The following FRMD4B variants were observed in gnomAD, a reference collection of about 807,000 sequenced individuals.
The protein encoded by FRMD4B is FERM domain-containing protein 4B.
FRMD4B carries 74 observed loss-of-function variants against 141.5 expected under a neutral mutation model. The observed-to-expected ratio is 0.52, with a 90% CI of 0.43 to 0.63. FRMD4B has a LOEUF of 0.63. Ranked by LOEUF, FRMD4B falls within the 30% of genes least tolerant of loss-of-function variation. The probability of loss-of-function intolerance (pLI) is 0.00; values close to 1 mark genes in which losing one functional copy is unlikely to be tolerated. For missense variants in FRMD4B, 1,366 were observed against 1,253.4 expected (o/e 1.09, Z -1.36); for synonymous variants, 506 against 467.9 (o/e 1.08, Z -1.05).
At chr3:69,251,256 C>G (rs1251394211) in intron 5 of FRMD4B, among the ~76,000 whole-genome samples, 1 of 152,176 alleles carries the variant, frequency 6.6e-6, no homozygotes, top group South Asian at 2.1e-4. Context: ...GCCCTGCATT[C>G]TTTCTTCCTC....
intron 7 of FRMD4B, among the ~76,000 whole-genome samples, chr3:69,232,153 A>G (rs569403832): frequency 6.6e-6 from 1 of 152,324 alleles, no homozygotes; most frequent in South Asian, 2.1e-4. Flanking sequence ...AAATACACTC[A>G]AACTGACTGG....
chr3:69,515,214 C>T (rs1297269905), intron 1 of FRMD4B, among the ~76,000 whole-genome samples: 7 of 152,112 alleles, frequency 4.6e-5, no homozygotes, highest in East Asian at 3.9e-4. Flanking sequence ...CTCACTATCA[C>T]GAGAACAGGA....
intron 1 of FRMD4B, among the ~76,000 whole-genome samples, chr3:69,351,497 C>G (rs1255395803): frequency 6.6e-6 from 1 of 152,174 alleles, no homozygotes; most frequent in Non-Finnish European, 1.5e-5. Flanking sequence ...AGTTCTTTTC[C>G]TGGGGTCTTT....
chr3:69,174,205 C>CA (rs1207023341), intron 22 of FRMD4B, among the ~76,000 whole-genome samples: 5 of 150,848 alleles, frequency 3.3e-5, no homozygotes, highest in African/African-American at 7.3e-5. Context: ...AAAAGCCTCT[C>CA]AAAAAAAACT....
chr3:69,453,916 C>A (rs906748010), intron 1 of FRMD4B, among the ~76,000 whole-genome samples: 3 of 152,090 alleles, frequency 2.0e-5, no homozygotes, highest in African/African-American at 7.2e-5. Flanking sequence ...AAACAAGAGT[C>A]CCCATAAGAA....
intron 1 of FRMD4B, among the ~76,000 whole-genome samples, chr3:69,490,834 A>C (rs577018155): frequency 2.1e-3 from 322 of 152,294 alleles, no homozygotes; most frequent in African/African-American, 6.7e-3. Context: ...GGGTGAATGA[A>C]GCACACGATA....
At chr3:69,298,291 C>A (rs1455316987) in intron 4 of FRMD4B, among the ~76,000 whole-genome samples, 3 of 152,192 alleles carry the variant, frequency 2.0e-5, no homozygotes, top group Non-Finnish European at 1.5e-5. Flanking sequence ...GTATCCCCTG[C>A]TCTCTCCTCA....
intron 1 of FRMD4B, chr3:69,353,476 A>C: frequency 1.6e-6 from 1 of 629,326 alleles, no homozygotes; most frequent in Non-Finnish European, 2.0e-6. Context: ...ATGAAATGCC[A>C]GTCAAAGCTG....
At chr3:69,310,774 G>A (rs1455978525) in intron 3 of FRMD4B, among the ~76,000 whole-genome samples, 1 of 151,160 alleles carries the variant, frequency 6.6e-6, no homozygotes, top group Non-Finnish European at 1.5e-5. Flanking sequence ...AAAAGAAAAA[G>A]ATAGTTGAGA....
At chr3:69,352,385 T>C (rs1172938554) in intron 1 of FRMD4B, among the ~76,000 whole-genome samples, 1 of 152,232 alleles carries the variant, frequency 6.6e-6, no homozygotes, top group Admixed American at 6.5e-5. Context: ...TATTATGTTG[T>C]TACATTATAG....
intron 4 of FRMD4B, among the ~76,000 whole-genome samples, chr3:69,296,758 A>G (rs1218488246): frequency 1.3e-5 from 2 of 152,178 alleles, no homozygotes; most frequent in Non-Finnish European, 2.9e-5. Flanking sequence ...GATGGCTTTA[A>G]ACAAATGCAT....
Position 69,189,914 on chromosome 3 carries a change from T to C in FRMD4B, c.1753A>G (p.Thr585Ala). Residue 585 changes from threonine (T) to alanine (A), a missense_variant, in exon 18 of 23, where the codon ACC (threonine) becomes GCC (alanine). Transcript: ENST00000398540. Reference protein sequence around the residue: ...IPSESSSLSDTTTYDDPSDAF... With the variant: ...IPSESSSLSDATTYDDPSDAF... Reference sequence around the variant, plus strand: ...CACTTACGATCATCATAGGTGGTGGTGTCAGACAAAGAGCTACTCTCTGAG... The same window carrying C: ...CACTTACGATCATCATAGGTGGTGGCGTCAGACAAAGAGCTACTCTCTGAG... 6.2e-7 allele frequency: 1 copy of C among 1,600,146 alleles called. No homozygotes were observed.
chr3:69,300,553 C>T (rs1056382021), intron 4 of FRMD4B, among the ~76,000 whole-genome samples: 1 of 152,086 alleles, frequency 6.6e-6, no homozygotes, highest in African/African-American at 2.4e-5. Context: ...TTCTGTGACC[C>T]AAAACAGACC....
chr3:69,315,850 CG>C (rs1701789637), intron 1 of FRMD4B, among the ~76,000 whole-genome samples: 1 of 152,098 alleles, frequency 6.6e-6, no homozygotes, highest in African/African-American at 2.4e-5. Flanking sequence ...GGCTCTAAGC[CG>C]TTGTACAAAA....
chr3:69,322,825 C>T (rs1702057372), intron 1 of FRMD4B: 1 of 153,266 alleles, frequency 6.5e-6, no homozygotes, highest in South Asian at 2.1e-4. Context: ...TCTCGAACTC[C>T]TGGACTCAAG....
intron 5 of FRMD4B, among the ~76,000 whole-genome samples, chr3:69,277,707 T>A (rs1575684416): frequency 2.0e-5 from 3 of 151,820 alleles, no homozygotes; most frequent in African/African-American, 7.3e-5. Context: ...AATTTTTGTA[T>A]TTTTAGTAGA....
At chr3:69,290,644 G>T (rs556756839) in intron 4 of FRMD4B, among the ~76,000 whole-genome samples, 3 of 152,300 alleles carry the variant, frequency 2.0e-5, no homozygotes, top group Admixed American at 1.3e-4. Flanking sequence ...GGCGGCAGCA[G>T]GATCCCAGCT....
At chr3:69,426,180 A>G (rs1173459270) in intron 2 of FRMD4B, among the ~76,000 whole-genome samples, 1 of 152,260 alleles carries the variant, frequency 6.6e-6, no homozygotes, top group Non-Finnish European at 1.5e-5. Flanking sequence ...CTTCTGGCAT[A>G]TGCTGGGATG....
At position 69,427,643 on chromosome 3, in the gene FRMD4B, G is replaced by GTTTTTTTTTTTTTTTTTTT. The variant is rs774316609; in HGVS notation, c.-1+4972_-1+4990dup. ...GTGTTTAGTAAGAAGCTAGGTAAATGTTTTTTTTTTTTTTTTTTTTTTTTT... is the reference window on the plus strand; with the variant it reads ...GTGTTTAGTAAGAAGCTAGGTAAATGTTTTTTTTTTTTTTTTTTTTTTTTTTTTTTTTTTTTTTTTTTTT... On this transcript the variant is annotated intron_variant, in intron 2 of 5. Transcript: ENST00000459638. Among the ~76,000 whole-genome samples, 19 of 36,238 alleles carry GTTTTTTTTTTTTTTTTTTT rather than the reference G, an allele frequency of 5.2e-4. 5 individuals carry two copies. Among genetic ancestry groups the GTTTTTTTTTTTTTTTTTTT allele is most frequent in the Non-Finnish European group, 7.2e-4 (14 of 19,572 alleles). The allele number at this position is 36,238 out of a possible 152,430, so 23.8% of individuals were successfully genotyped here.
Sources: gnomAD v4.1 joint callset for allele counts (sites outside exome capture counted in the v4.1 genomes callset) on GRCh38, gnomAD v4.1.1 for gene constraint, MANE v1.5 for transcripts, NCBI Gene and HGNC (gene_info 2026-07-23, HGNC 2026-07-21) for gene names.